Variants in POGZ observed in about 807,000 individuals in gnomAD.
POGZ encodes the protein pogo transposable element with ZNF domain.
Under a neutral mutation model 134.6 loss-of-function variants are expected in POGZ, and 17 were observed. That is an observed-to-expected ratio of 0.13 (90% CI 0.09 to 0.19). The LOEUF (loss-of-function observed/expected upper bound fraction) is 0.19. Ranked by LOEUF, POGZ falls within the 10% of genes least tolerant of loss-of-function variation. POGZ has a pLI of 1.00. For synonymous variants in POGZ, 693 were observed against 657.1 expected (o/e 1.05, Z -0.84); for missense variants, 1,306 against 1,769.7 (o/e 0.74, Z 4.70).
intron 1 of POGZ, among the ~76,000 whole-genome samples, chr1:151,447,056 G>A (rs1661379574): frequency 6.6e-6 from 1 of 151,954 alleles, no homozygotes; most frequent in Non-Finnish European, 1.5e-5. Flanking sequence ...TGGTATGTAG[G>A]TCTAAAAGAT....
At chr1:151,455,541 T>C (rs992952665) in intron 1 of POGZ, among the ~76,000 whole-genome samples, 1 of 152,258 alleles carries the variant, frequency 6.6e-6, no homozygotes, top group Admixed American at 6.5e-5. Context: ...CTTTTGTTTA[T>C]GTGAATTTTA....
intron 12 of POGZ, among the ~76,000 whole-genome samples, chr1:151,409,337 A>AC (rs1557875160): frequency 2.0e-5 from 3 of 152,186 alleles, no homozygotes; most frequent in Non-Finnish European, 4.4e-5. Context: ...CTACACATAT[A>AC]ACTGTATCAC....
At chr1:151,409,739 TTC>T (rs199709839) in intron 12 of POGZ, among the ~76,000 whole-genome samples, 5,037 of 152,288 alleles carry the variant, frequency 0.033, 122 homozygotes, top group Non-Finnish European at 0.049. Context: ...CTCAGCCCTC[TTC>T]TTTTTCTCCT....
At chr1:151,445,466 G>A (rs1661129209) in intron 1 of POGZ, among the ~76,000 whole-genome samples, 1 of 142,358 alleles carries the variant, frequency 7.0e-6, no homozygotes. Flanking sequence ...AGGTTGCAGT[G>A]AGCCAAGATC....
chr1:151,417,711 C>A (rs1445495180), intron 10 of POGZ, among the ~76,000 whole-genome samples: 2 of 150,386 alleles, frequency 1.3e-5, no homozygotes, highest in Admixed American at 6.7e-5. Flanking sequence ...CACACACACA[C>A]ACACACACAC....
chr1:151,449,609 C>G (rs993316798), intron 1 of POGZ, among the ~76,000 whole-genome samples: 3 of 152,138 alleles, frequency 2.0e-5, no homozygotes, highest in Non-Finnish European at 4.4e-5. Flanking sequence ...AATATTTGTC[C>G]TCTCAGGCCA....
intron 1 of POGZ, among the ~76,000 whole-genome samples, chr1:151,445,404 C>G (rs1363310912): frequency 2.0e-5 from 3 of 151,656 alleles, no homozygotes; most frequent in Non-Finnish European, 4.4e-5. Flanking sequence ...CGCCTGTAAT[C>G]CCAGTTACTC....
Position 151,404,700 on chromosome 1 carries a change from G to T in POGZ, c.*102C>A. 2 of 1,441,100 alleles carry T rather than the reference G, an allele frequency of 1.4e-6. No individual in the cohort carries two copies. The highest frequency in any genetic ancestry group is 2.9e-5 in the Admixed American group (1 of 34,988). 89.3% of individuals were successfully genotyped at this position (1,441,100 alleles called of 1,614,324 possible). On this transcript the variant is annotated 3_prime_UTR_variant, in exon 19 of 19. Transcript: ENST00000271715. ...AGTGGTGGTATAAAATTAAAAAATA[G>T]AAACCAAATACCCCACCTGGTATGC...
In POGZ at chr1:151,447,325, T is replaced by C. The variant is rs1346496925; in HGVS notation, c.-1-5120A>G. Among the ~76,000 whole-genome samples the C allele has an allele frequency of 3.3e-5, 5 of 151,636 alleles. No homozygotes were observed. In the South Asian group the frequency reaches 1.1e-3, roughly 32 times the overall value. On this transcript the variant is annotated intron_variant, in intron 1 of 18. Coordinates refer to ENST00000271715, the MANE Select transcript of POGZ (RefSeq NM_015100.4). The stretch of plus-strand genomic sequence containing the variant: ...AGGCGGAGGTTGCAGTGAACCGAGA[T>C]TGTGCCACTGCACTCCAGCTTGGAC...
intron 10 of POGZ, among the ~76,000 whole-genome samples, chr1:151,414,557 C>T (rs941809099): frequency 6.6e-5 from 10 of 152,258 alleles, no homozygotes; most frequent in South Asian, 2.1e-4. Context: ...CCAAGGCAGG[C>T]GGATCACCTG....
intron 3 of POGZ, 127 bp from the exon 4 acceptor site, chr1:151,430,968 C>T (rs1658599123): frequency 1.9e-6 from 1 of 539,560 alleles, no homozygotes; most frequent in Non-Finnish European, 2.6e-6. Flanking sequence ...GGGTCTCACA[C>T]TCTGTCACCC....
At position 151,404,892 on chromosome 1, in the gene POGZ, A is replaced by G. The variant is rs758887283; in HGVS notation, c.4143T>C (p.Pro1381=). The G allele has an allele frequency of 2.5e-6, 4 of 1,614,072 alleles. No individual in the cohort carries two copies. Among genetic ancestry groups the G allele is most frequent in the Non-Finnish European group, 2.5e-6 (3 of 1,180,046 alleles). The change falls in exon 19 of 19, where the codon CCT becomes CCC. Residue 1381 remains proline, a synonymous_variant. Coordinates refer to ENST00000271715, the MANE Select transcript of POGZ (RefSeq NM_015100.4). ...PRSSPEETIE[P]ESLHQLFEGE... ...CCTCAAAGAGCTGGTGAAGACTTTC[A>G]GGCTCAATTGTCTCTTCAGGAGATG...
intron 3 of POGZ, among the ~76,000 whole-genome samples, chr1:151,434,456 G>A (rs571540400): frequency 6.6e-6 from 1 of 152,272 alleles, no homozygotes; most frequent in South Asian, 2.1e-4. Context: ...ACTCCAGCCT[G>A]GGTGACAAAG....
chr1:151,437,807 A>G (rs1659878001), intron 3 of POGZ, among the ~76,000 whole-genome samples: 1 of 152,230 alleles, frequency 6.6e-6, no homozygotes, highest in Non-Finnish European at 1.5e-5. Context: ...AGCAGATAAT[A>G]TATCAATACA....
intron 1 of POGZ, among the ~76,000 whole-genome samples, chr1:151,449,964 T>A (rs1661822857): frequency 5.9e-5 from 9 of 152,010 alleles, no homozygotes; most frequent in Admixed American, 5.9e-4. Flanking sequence ...AAAATTTTTT[T>A]ATAAAATCCA....
At chr1:151,421,098 T>C (rs562960402) in intron 10 of POGZ, among the ~76,000 whole-genome samples, 1 of 151,600 alleles carries the variant, frequency 6.6e-6, no homozygotes, top group Non-Finnish European at 1.5e-5. Context: ...CAATATACTG[T>C]AATAAAAGTT....
intron 3 of POGZ, among the ~76,000 whole-genome samples, chr1:151,434,335 A>G (rs938139711): frequency 7.2e-5 from 11 of 151,974 alleles, no homozygotes; most frequent in Non-Finnish European, 1.3e-4. Flanking sequence ...ATAGCTAGGC[A>G]TGGTGGTGTG....
rs1171783071 is a variant in POGZ at position 151,450,023 on chromosome 1, ATTTTTTTTT to A, written c.-1-7827_-1-7819del. Among the ~76,000 whole-genome samples the A allele has an allele frequency of 7.9e-3, 590 of 74,378 alleles. 2 individuals are homozygous for A. The highest frequency in any genetic ancestry group is 0.011 in the Middle Eastern group (1 of 90). 48.8% of individuals were successfully genotyped at this position (74,378 alleles called of 152,430 possible). A position where few individuals can be genotyped will look rare whatever the true frequency, so the allele number is the denominator to read the frequency against. On this transcript the variant is annotated intron_variant, in intron 1 of 18. Transcript: ENST00000271715. Reference sequence around the variant, plus strand: ...TATAATCACCTACCTGTGAAACTTGATTTTTTTTTTTTTTTTTTTTTTTTTTGAGACGGA... The same window carrying A: ...TATAATCACCTACCTGTGAAACTTGATTTTTTTTTTTTTTTTTGAGACGGA...
At chr1:151,443,776 A>T (rs552094488) in intron 1 of POGZ, among the ~76,000 whole-genome samples, 1 of 152,214 alleles carries the variant, frequency 6.6e-6, no homozygotes, top group Non-Finnish European at 1.5e-5. Context: ...TTGCAAACAA[A>T]GAGTTAATGC....
Sources: allele counts gnomAD v4.1 joint callset (sites outside exome capture counted in the v4.1 genomes callset), GRCh38; gene constraint gnomAD v4.1.1; transcripts MANE v1.5; gene names NCBI Gene and HGNC (gene_info 2026-07-23, HGNC 2026-07-21).